PDE1C: variants seen among roughly 807,000 people sequenced by gnomAD.
The protein encoded by PDE1C is phosphodiesterase 1C.
PDE1C carries 62 observed loss-of-function variants against 93.1 expected under a neutral mutation model. That is an observed-to-expected ratio of 0.67 (90% CI 0.54 to 0.82). PDE1C has a LOEUF of 0.82. Among genes scored for constraint, PDE1C ranks in the 40% least tolerant of loss-of-function variants. The pLI, the probability that PDE1C is intolerant of heterozygous loss-of-function variation, is 0.00. For missense variants in PDE1C, 742 were observed against 884.6 expected (o/e 0.84, Z 2.04); for synonymous variants, 325 against 310.1 (o/e 1.05, Z -0.50).
chr7:32,052,055 C>A (rs2128689128), intron 1 of PDE1C, among the ~76,000 whole-genome samples: 1 of 152,258 alleles, frequency 6.6e-6, no homozygotes, highest in East Asian at 1.9e-4. Flanking sequence ...TTACTATTAT[C>A]CCCAACATCT....
intron 3 of PDE1C, among the ~76,000 whole-genome samples, chr7:32,159,069 G>T (rs1432710451): frequency 1.3e-5 from 2 of 152,144 alleles, no homozygotes; most frequent in Admixed American, 1.3e-4. Flanking sequence ...ATACCATAGT[G>T]CCATTCAATA....
chr7:32,034,357 C>T (rs1790756154), intron 2 of PDE1C, among the ~76,000 whole-genome samples: 1 of 152,108 alleles, frequency 6.6e-6, no homozygotes, highest in African/African-American at 2.4e-5. Context: ...TCAGAAGCCA[C>T]ATCCCATAAA....
chr7:31,689,784 T>A, the PDE1C span, among the ~76,000 whole-genome samples: 1 of 152,208 alleles, frequency 6.6e-6, no homozygotes, highest in African/African-American at 2.4e-5. Flanking sequence ...CGTAATGACA[T>A]CATTCATGAT....
chr7:32,337,984 A>T (rs1783664431), intron 1 of PDE1C, among the ~76,000 whole-genome samples: 1 of 152,170 alleles, frequency 6.6e-6, no homozygotes, highest in African/African-American at 2.4e-5. Flanking sequence ...TAACTCAAAG[A>T]CCTAAACATA....
chr7:31,922,922 T>G (rs1273463735), intron 2 of PDE1C, among the ~76,000 whole-genome samples: 9 of 152,214 alleles, frequency 5.9e-5, no homozygotes, highest in Non-Finnish European at 1.5e-5. Flanking sequence ...GGATCTCCTC[T>G]TAGAATTGGA....
chr7:31,926,026 A>T (rs1244319627), intron 2 of PDE1C, among the ~76,000 whole-genome samples: 1 of 151,322 alleles, frequency 6.6e-6, no homozygotes, highest in Non-Finnish European at 1.5e-5. Flanking sequence ...ATGCTGTAGG[A>T]CACAGGTATA....
At chr7:31,692,350 T>C in the PDE1C span, 9 of 1,025,286 alleles carry the variant, frequency 8.8e-6, no homozygotes, top group East Asian at 1.2e-4. Flanking sequence ...TAGCAAATGA[T>C]TGAATGAATG....
chr7:32,229,209 C>T (rs982277329), intron 1 of PDE1C, among the ~76,000 whole-genome samples: 1 of 152,318 alleles, frequency 6.6e-6, no homozygotes, highest in East Asian at 1.9e-4. Flanking sequence ...CACCACGACC[C>T]TGTGAGGTAG....
At chr7:31,946,746 T>C (rs1220100201) in intron 2 of PDE1C, among the ~76,000 whole-genome samples, 1 of 152,216 alleles carries the variant, frequency 6.6e-6, no homozygotes, top group Non-Finnish European at 1.5e-5. Context: ...TCCCACTTTA[T>C]GCACTCTTAA....
chr7:31,701,131 G>A, the PDE1C span, among the ~76,000 whole-genome samples: 2,858 of 152,272 alleles, frequency 0.019, 42 homozygotes, highest in Middle Eastern at 0.034. Context: ...CCCTCTGATG[G>A]ATCTGGACAA....
intron 3 of PDE1C, among the ~76,000 whole-genome samples, chr7:32,154,364 TTA>T (rs1284316083): frequency 1.3e-5 from 2 of 152,182 alleles, no homozygotes; most frequent in Non-Finnish European, 2.9e-5. Flanking sequence ...ATTTAAATGA[TTA>T]TAGACACACA....
chr7:32,362,160 G>A (rs546337182), intron 1 of PDE1C, among the ~76,000 whole-genome samples: 23 of 152,270 alleles, frequency 1.5e-4, no homozygotes, highest in South Asian at 4.1e-4. Context: ...CTACCCAGAT[G>A]GAGAGAAGAA....
upstream of PDE1C, chr7:32,299,493 C>T (rs577175909): frequency 1.2e-5 from 10 of 856,478 alleles, no homozygotes; most frequent in African/African-American, 1.6e-4. Flanking sequence ...CGCCCCTTAC[C>T]AACCATTCCA....
At chr7:31,757,730 A>T (rs931428472) in intron 17 of PDE1C, among the ~76,000 whole-genome samples, 12 of 152,246 alleles carry the variant, frequency 7.9e-5, no homozygotes, top group South Asian at 6.2e-4. Context: ...ATTGTGGAAG[A>T]CAGTGTGGCA....
At chr7:32,317,366 C>T (rs35368938) in intron 1 of PDE1C, among the ~76,000 whole-genome samples, 11,639 of 152,062 alleles carry the variant, frequency 0.077, 516 homozygotes, top group East Asian at 0.13. Context: ...TACTGAGGCC[C>T]AGCCCCAGTA....
Position 32,298,011 on chromosome 7 carries a change from TCTCTC to T in PDE1C, c.85+635_85+639del, listed in dbSNP as rs1562660284. On this transcript the variant is annotated intron_variant, in intron 1 of 18. Transcript: ENST00000396193. ...TCTCTCTCTCTCCTCTCTCTCTCTC[TCTCTC>T]CCTCTCTCTCTCTCTCTCTCTCTCT... Among the ~76,000 whole-genome samples the T allele has an allele frequency of 1.4e-3, 48 of 33,280 alleles. 2 individuals are homozygous for T. The East Asian group carries it at 0.026, about 18-fold the overall frequency. 21.8% of individuals were successfully genotyped at this position (33,280 alleles called of 152,430 possible).
chr7:31,648,815 A>G, the PDE1C span, among the ~76,000 whole-genome samples: 148 of 152,356 alleles, frequency 9.7e-4, no homozygotes, highest in African/African-American at 3.3e-3. Context: ...GTGTTCAGCT[A>G]TACTGTGGTC....
the PDE1C span, among the ~76,000 whole-genome samples, chr7:31,685,331 T>G: frequency 1.3e-5 from 2 of 152,244 alleles, no homozygotes; most frequent in Non-Finnish European, 2.9e-5. Flanking sequence ...AGAAATGTTC[T>G]GTATATATTC....
the PDE1C span, among the ~76,000 whole-genome samples, chr7:31,732,993 C>T: frequency 2.0e-5 from 3 of 152,262 alleles, no homozygotes; most frequent in Admixed American, 6.5e-5. Flanking sequence ...CCATTCCTAA[C>T]GGAAAGCCAT....
Sources: gnomAD v4.1 joint callset for allele counts (sites outside exome capture counted in the v4.1 genomes callset) on GRCh38, gnomAD v4.1.1 for gene constraint, MANE v1.5 for transcripts, NCBI Gene and HGNC (gene_info 2026-07-23, HGNC 2026-07-21) for gene names.